Variants in NLGN4Y observed in about 807,000 individuals in gnomAD.
The protein encoded by NLGN4Y is neuroligin-4, Y-linked.
A neutral mutation model predicts 8.4 loss-of-function variants in NLGN4Y; 4 were observed. The ratio of observed to expected loss-of-function variants is 0.48; its 90% CI spans 0.23 to 1.09. The LOEUF (loss-of-function observed/expected upper bound fraction) is 1.09. Among genes scored for constraint, NLGN4Y ranks in the 50% least tolerant of loss-of-function variants. NLGN4Y has a pLI of 0.19. For synonymous variants in NLGN4Y, 35 were observed against 75.6 expected, an observed-to-expected ratio of 0.46 and a Z score of 2.78; for missense variants, 90 against 192.3, an observed-to-expected ratio of 0.47 and a Z score of 3.15.
At chrY:14,632,733 G>GATT (rs2080553484) in intron 2 of NLGN4Y, among the ~76,000 whole-genome samples, 2 of 33,790 alleles carry the variant, frequency 5.9e-5, no homozygotes, top group Admixed American at 2.7e-4. Context: ...AATTATGAAA[G>GATT]ATTATTAAAT....
chrY:14,782,031 C>G, intron 4 of NLGN4Y, among the ~76,000 whole-genome samples: 3 of 32,920 alleles, frequency 9.1e-5, no homozygotes. Flanking sequence ...TGAAGGGAAC[C>G]GTGGGAATAA....
At chrY:14,799,859 G>A (rs1040913791) in intron 4 of NLGN4Y, among the ~76,000 whole-genome samples, 3 of 33,340 alleles carry the variant, frequency 9.0e-5, no homozygotes, top group Non-Finnish European at 1.5e-4. Flanking sequence ...CATCATATAT[G>A]ATAGCTATAA....
chrY:14,645,983 G>T, intron 2 of NLGN4Y, among the ~76,000 whole-genome samples: 1 of 32,549 alleles, frequency 3.1e-5, no homozygotes, highest in Non-Finnish European at 7.5e-5. Flanking sequence ...GATGCTGATG[G>T]TGATGATGGT....
intron 4 of NLGN4Y, among the ~76,000 whole-genome samples, chrY:14,819,890 G>GA (rs112865089): frequency 1.9e-4 from 6 of 31,733 alleles, no homozygotes; most frequent in African/African-American, 4.9e-4. Flanking sequence ...CCATAGTGCA[G>GA]AAAAAAAAAT....
intron 2 of NLGN4Y, among the ~76,000 whole-genome samples, chrY:14,712,932 T>C (rs2080904049): frequency 3.0e-5 from 1 of 33,594 alleles, no homozygotes; most frequent in South Asian, 6.7e-4. Flanking sequence ...CCTTTCTGCG[T>C]TGGATTACAA....
chrY:14,540,133 G>T, intron 1 of NLGN4Y, among the ~76,000 whole-genome samples: 1 of 19,962 alleles, frequency 5.0e-5, no homozygotes, highest in Non-Finnish European at 1.1e-4. Context: ...TGGTGGGGGG[G>T]CGGGGGGGGC....
intron 4 of NLGN4Y, among the ~76,000 whole-genome samples, chrY:14,823,064 C>T (rs1002267527): frequency 3.0e-5 from 1 of 33,150 alleles, no homozygotes; most frequent in Non-Finnish European, 7.4e-5. Flanking sequence ...TGGCCATTTC[C>T]TCCTTTCCAG....
chrY:14,764,110 C>G, intron 4 of NLGN4Y, among the ~76,000 whole-genome samples: 1 of 33,321 alleles, frequency 3.0e-5, no homozygotes, highest in Non-Finnish European at 7.4e-5. Context: ...GGGTTCAGTA[C>G]TATCTGTGTT....
At chrY:14,563,194 T>C in intron 1 of NLGN4Y, among the ~76,000 whole-genome samples, 1 of 33,795 alleles carries the variant, frequency 3.0e-5, no homozygotes. Flanking sequence ...CATAAGTAGC[T>C]TTAATTATTT....
chrY:14,626,193 A>G (rs2080526719), intron 2 of NLGN4Y, among the ~76,000 whole-genome samples: 2 of 34,077 alleles, frequency 5.9e-5, no homozygotes, highest in African/African-American at 2.3e-4. Flanking sequence ...TGGTGTGTCC[A>G]GAGTTTGTTC....
intron 1 of NLGN4Y, among the ~76,000 whole-genome samples, chrY:14,578,754 C>A (rs926952610): frequency 6.0e-5 from 2 of 33,538 alleles, no homozygotes; most frequent in South Asian, 1.3e-3. Context: ...ATCTCCAACA[C>A]TGGGGATTAG....
At chrY:14,680,451 A>C in intron 2 of NLGN4Y, among the ~76,000 whole-genome samples, 1 of 33,182 alleles carries the variant, frequency 3.0e-5, no homozygotes, top group African/African-American at 1.2e-4. Flanking sequence ...GCGGATTGCC[A>C]TAAGGATTCC....
At chrY:14,734,819 A>G in intron 4 of NLGN4Y, among the ~76,000 whole-genome samples, 1 of 34,014 alleles carries the variant, frequency 2.9e-5, no homozygotes, top group East Asian at 7.8e-4. Flanking sequence ...TATAAAATCA[A>G]TGTATACTCC....
intron 2 of NLGN4Y, among the ~76,000 whole-genome samples, chrY:14,697,206 C>CAGATAGATAGATAGATAGAT (rs200602431): frequency 4.1e-5 from 1 of 24,229 alleles, no homozygotes; most frequent in Non-Finnish European, 9.5e-5. Context: ...GGTAGGTAGG[C>CAGATAGATAGATAGATAGAT]AGATAGATAG....
intron 1 of NLGN4Y, among the ~76,000 whole-genome samples, chrY:14,573,503 C>A: frequency 3.0e-5 from 1 of 32,884 alleles, no homozygotes; most frequent in Non-Finnish European, 7.5e-5. Flanking sequence ...CTTTATTAGT[C>A]TTGCTAACGG....
Position 14,845,264 on chromosome Y carries a change from A to G in NLGN4Y, c.*4002A>G. The G allele has an allele frequency of 2.9e-5, 1 of 33,980 alleles. No homozygotes were observed. The highest frequency in any genetic ancestry group is 7.4e-5 in the Non-Finnish European group (1 of 13,589). 8.5% of individuals were successfully genotyped at this position (33,980 alleles called of 400,897 possible). A position where few individuals can be genotyped will look rare whatever the true frequency, so the allele number is the denominator to read the frequency against. The stretch of plus-strand genomic sequence containing the variant: ...ATATGTTATACATTTACATATGTAC[A>G]TGGATATCACATACTTTAAATTCCT... On this transcript the variant is annotated 3_prime_UTR_variant, in exon 7 of 7. Transcript: ENST00000684976.
At chrY:14,547,838 G>A (rs909793229) in intron 1 of NLGN4Y, among the ~76,000 whole-genome samples, 1 of 33,383 alleles carries the variant, frequency 3.0e-5, no homozygotes, top group Non-Finnish European at 7.4e-5. Context: ...AGAGATTGAG[G>A]AAATGGGGAA....
chrY:14,720,929 T>A, intron 3 of NLGN4Y, among the ~76,000 whole-genome samples: 1 of 33,342 alleles, frequency 3.0e-5, no homozygotes. Flanking sequence ...TACATAAAAA[T>A]GAAATAAACT....
chrY:14,603,446 G>A, intron 1 of NLGN4Y, among the ~76,000 whole-genome samples: 1 of 33,242 alleles, frequency 3.0e-5, no homozygotes, highest in Non-Finnish European at 7.4e-5. Context: ...GATTTATGGT[G>A]GAGGAATCAA....
Sources: gnomAD v4.1 joint callset for allele counts (sites outside exome capture counted in the v4.1 genomes callset) on GRCh38, gnomAD v4.1.1 for gene constraint, MANE v1.5 for transcripts, NCBI Gene and HGNC (gene_info 2026-07-23, HGNC 2026-07-21) for gene names.